TGM6: variants seen among roughly 807,000 people sequenced by gnomAD.
TGM6 encodes the protein transglutaminase 6, also known as protein-glutamine gamma-glutamyltransferase 6.
Under a neutral mutation model 77.5 loss-of-function variants are expected in TGM6, and 74 were observed. That is an observed-to-expected ratio of 0.96 (90% confidence interval 0.79 to 1.16). The LOEUF (loss-of-function observed/expected upper bound fraction) is 1.16, where lower values mean the gene tolerates loss of function less well. Ranked by LOEUF, TGM6 falls within the 50% of genes most tolerant of loss-of-function variation. The probability of loss-of-function intolerance (pLI) is 0.00; values close to 1 mark genes in which losing one functional copy is unlikely to be tolerated. For synonymous variants in TGM6, 383 were observed against 378.9 expected (o/e 1.01, Z -0.12); for missense variants, 968 against 940.2 (o/e 1.03, Z -0.39).
Position 2,394,445 on chromosome 20 carries a change from C to G in TGM6, c.8-7C>G. On this transcript the variant is annotated splice_region_variant and splice_polypyrimidine_tract_variant and intron_variant, in intron 1 of 12. Coordinates refer to ENST00000202625, the MANE Select transcript of TGM6 (RefSeq NM_198994.3). ...TGGCCTCATCTCCCTGTCCTCTCCC[C>G]ACCCAGGGATCAGAGTCACCAAGGT... 6.2e-7 allele frequency: 1 copy of G among 1,611,318 alleles called. No individual in the cohort carries two copies.
intron 9 of TGM6, among the ~76,000 whole-genome samples, chr20:2,408,365 T>G (rs1272802662): frequency 6.6e-6 from 1 of 152,174 alleles, no homozygotes; most frequent in African/African-American, 2.4e-5. Context: ...ACCTGCTGAC[T>G]TCACCCCAAA....
chr20:2,408,689 C>T (rs972637381), intron 9 of TGM6, among the ~76,000 whole-genome samples: 11 of 152,096 alleles, frequency 7.2e-5, no homozygotes, highest in African/African-American at 2.7e-4. Context: ...GCAGGACTGG[C>T]TTATGTGAAG....
At chr20:2,418,419 GAA>G (rs1005566157) in intron 10 of TGM6, among the ~76,000 whole-genome samples, 1 of 152,186 alleles carries the variant, frequency 6.6e-6, no homozygotes, top group Non-Finnish European at 1.5e-5. Context: ...TTTGAAAGGA[GAA>G]AACTCACACC....
Position 2,417,010 on chromosome 20 carries a change from C to A in TGM6, c.1337-222C>A, listed in dbSNP as rs1004269. Among the ~76,000 whole-genome samples the A allele has an allele frequency of 0.24, 35,818 of 152,104 alleles. 4,992 individuals carry two copies. Among genetic ancestry groups the A allele is most frequent in the African/African-American group, 0.38 (15,766 of 41,464 alleles). On this transcript the variant is annotated intron_variant, in intron 9 of 12. Transcript: ENST00000202625. ...CAAAAGTGCTAGCTATCATTATTAT[C>A]TGAGGCTTTTGACCCAGCTCTCAGA...
intron 9 of TGM6, among the ~76,000 whole-genome samples, chr20:2,407,809 CT>C (rs1354402979): frequency 6.6e-6 from 1 of 152,086 alleles, no homozygotes; most frequent in East Asian, 1.9e-4. Flanking sequence ...GCATGCTAGG[CT>C]TTTTCATGTG....
At chr20:2,422,284 T>G (rs2084861831) in intron 10 of TGM6, among the ~76,000 whole-genome samples, 1 of 152,228 alleles carries the variant, frequency 6.6e-6, no homozygotes, top group Admixed American at 6.5e-5. Flanking sequence ...AGATTGTTTT[T>G]CCCCGTGTGG....
intron 7 of TGM6, 77 bp from the exon 8 acceptor site, chr20:2,403,320 G>T: frequency 9.3e-6 from 14 of 1,511,598 alleles, no homozygotes; most frequent in Non-Finnish European, 1.3e-5. Flanking sequence ...AGGGAGCCCA[G>T]GGCCTGCCTC....
At chr20:2,392,849 T>G (rs2422772) in intron 1 of TGM6, among the ~76,000 whole-genome samples, 141,379 of 152,278 alleles carry the variant, frequency 0.93, 65,876 homozygotes, top group African/African-American at 0.97. Context: ...ATTGCAGTGA[T>G]CCGAGATTGC....
chr20:2,384,710 C>G lies in TGM6; in HGVS notation c.7+3735C>G, dbSNP rs117702179. ...AGTGTGTGCCTCTGAAATCAGGCTT[C>G]TAGTTGCTGTGCAGAGTGAAAGGAA... is the stretch of plus-strand genomic sequence containing the variant. On this transcript the variant is annotated intron_variant, in intron 1 of 12. Coordinates refer to ENST00000202625, the MANE Select transcript of TGM6 (RefSeq NM_198994.3). 3.0e-3 allele frequency among the ~76,000 whole-genome samples: 458 copies of G among 152,236 alleles called. 1 individual carries two copies. Among genetic ancestry groups the G allele is most frequent in the Non-Finnish European group, 5.5e-3 (375 of 68,030 alleles).
chr20:2,388,004 G>A (rs1222347708), intron 1 of TGM6, among the ~76,000 whole-genome samples: 1 of 152,178 alleles, frequency 6.6e-6, no homozygotes, highest in Non-Finnish European at 1.5e-5. Flanking sequence ...GGTTCTAAGA[G>A]CAAGCAACCC....
In TGM6 at chr20:2,417,377, C is replaced by A; in HGVS notation, c.1482C>A (p.Ser494Arg). 2 of 1,613,764 alleles carry A rather than the reference C, an allele frequency of 1.2e-6. No homozygotes were observed. The highest frequency in any genetic ancestry group is 1.7e-6 in the Non-Finnish European group (2 of 1,179,934). The change falls in exon 10 of 13, where the codon AGC (serine) becomes AGA (arginine). Residue 494 changes from serine to arginine, a missense_variant. Physicochemically the swap from Ser to Arg is moderately radical, Grantham distance 110. Coordinates refer to ENST00000202625, the MANE Select transcript of TGM6 (RefSeq NM_198994.3). ...DDLLEPATKP[S>R]IAGKFKVLEP... is the part of the protein sequence containing the mutation. ...TCCTGGAGCCTGCCACCAAGCCCAG[C>A]ATCGCTGGCAAGTTCAAGGTGCTAG...
At chr20:2,413,405 T>C (rs1016887931) in intron 9 of TGM6, among the ~76,000 whole-genome samples, 4 of 152,052 alleles carry the variant, frequency 2.6e-5, no homozygotes, top group Non-Finnish European at 4.4e-5. Flanking sequence ...TGAGATTCTG[T>C]CTCAAAAATA....
At chr20:2,401,750 A>C (rs1568659962) in intron 7 of TGM6, among the ~76,000 whole-genome samples, 1 of 152,244 alleles carries the variant, frequency 6.6e-6, no homozygotes, top group Non-Finnish European at 1.5e-5. Flanking sequence ...TGGAAGCATA[A>C]GGGTATGAAC....
intron 9 of TGM6, 31 bp from the exon 10 acceptor site, chr20:2,417,201 C>G (rs761479620): frequency 4.7e-5 from 73 of 1,557,524 alleles, no homozygotes; most frequent in Non-Finnish European, 6.0e-5. Flanking sequence ...CAAGGGGGTG[C>G]CTGCCGCTGA....
chr20:2,432,347 C>A lies in TGM6; in HGVS notation c.1968-143C>A, dbSNP rs2084928923. 3.7e-6 allele frequency: 4 copies of A among 1,070,364 alleles called. No individual in the cohort carries two copies. The Admixed American group carries it at 5.4e-5, about 14-fold the overall frequency. The allele number at this position is 1,070,364 out of a possible 1,614,324, so 66.3% of individuals were successfully genotyped here. Reference sequence around the variant, plus strand: ...ACAGGAGTGAGCCACCGCACCTGGCCTGCAAACATGTTGATAAGGCTTGAA... The same window carrying A: ...ACAGGAGTGAGCCACCGCACCTGGCATGCAAACATGTTGATAAGGCTTGAA... On this transcript the variant is annotated intron_variant, in intron 12 of 12. Coordinates refer to ENST00000202625, the MANE Select transcript of TGM6 (RefSeq NM_198994.3).
At chr20:2,410,743 T>A (rs2084779929) in intron 9 of TGM6, among the ~76,000 whole-genome samples, 1 of 152,188 alleles carries the variant, frequency 6.6e-6, no homozygotes, top group South Asian at 2.1e-4. Flanking sequence ...GTTGGAGAAC[T>A]GGTTGTTATG....
In TGM6 at chr20:2,398,014, C is replaced by A. The variant is rs746953643; in HGVS notation, c.640C>A (p.Pro214Thr). The A allele has an allele frequency of 6.2e-7, 1 of 1,614,056 alleles. No individual in the cohort carries two copies. Among genetic ancestry groups the A allele is most frequent in the Non-Finnish European group, 8.5e-7 (1 of 1,180,046 alleles). The change falls in exon 5 of 13, where the codon CCC becomes ACC. Residue 214 changes from proline (P) to threonine (T), a missense_variant. By Grantham distance (38) the Pro-to-Thr change is conservative (BLOSUM62 -1). Transcript: ENST00000202625. ...CACCGACGTGTCCTGCCGCCACAAC[C>A]CCATCTACGTCACCAGGGTCATCAG... ...PATDVSCRHNPIYVTRVISAM... is the reference protein window; with the variant it reads ...PATDVSCRHNTIYVTRVISAM...
chr20:2,414,727 A>G (rs1232077023), intron 9 of TGM6, among the ~76,000 whole-genome samples: 1 of 152,240 alleles, frequency 6.6e-6, no homozygotes, highest in Admixed American at 6.5e-5. Context: ...ATAAAAAGGA[A>G]CGCAGTACTG....
chr20:2,400,316 C>T lies in TGM6; in HGVS notation c.861C>T (p.Cys287=). ...FAGVLCTVLR[C]LGIATRVVSN... ...CTCTCTGCTCTGCAGTCCTCAGGTGCTTGGGGATAGCCACACGGGTCGTGT... is the reference window on the plus strand; with the variant it reads ...CTCTCTGCTCTGCAGTCCTCAGGTGTTTGGGGATAGCCACACGGGTCGTGT... Residue 287 remains cysteine, a synonymous_variant, in exon 7 of 13, where the codon TGC becomes TGT. Transcript: ENST00000202625. The T allele has an allele frequency of 1.9e-6, 3 of 1,614,218 alleles. No individual in the cohort carries two copies. Among genetic ancestry groups the T allele is most frequent in the Non-Finnish European group, 2.5e-6 (3 of 1,180,038 alleles).
Sources: allele counts gnomAD v4.1 joint callset (sites outside exome capture counted in the v4.1 genomes callset), GRCh38; gene constraint gnomAD v4.1.1; transcripts MANE v1.5; gene names NCBI Gene and HGNC (gene_info 2026-07-23, HGNC 2026-07-21).